The following CCDC43 variants were observed in gnomAD, a reference collection of about 807,000 sequenced individuals.
CCDC43 encodes coiled-coil domain containing 43.
In CCDC43, 20 loss-of-function variants were observed where a neutral mutation model predicts 33.3. The ratio of observed to expected loss-of-function variants is 0.60; its 90% CI spans 0.42 to 0.87. The LOEUF (loss-of-function observed/expected upper bound fraction) is 0.87, where lower values mean the gene tolerates loss of function less well. Among genes scored for constraint, CCDC43 ranks in the 40% least tolerant of loss-of-function variants. CCDC43 has a pLI of 0.00. For synonymous variants in CCDC43, 104 were observed against 106.5 expected (o/e 0.98, Z 0.14); for missense variants, 248 against 269.9 (o/e 0.92, Z 0.57).
intron 2 of CCDC43, among the ~76,000 whole-genome samples, chr17:44,683,228 T>C (rs1160053289): frequency 6.6e-6 from 1 of 152,172 alleles, no homozygotes; most frequent in African/African-American, 2.4e-5. Flanking sequence ...TAATTTGTGT[T>C]ATGAAATGAC....
Position 44,683,963 on chromosome 17 carries a change from G to A in CCDC43, c.205-4C>T. The A allele has an allele frequency of 6.2e-7, 1 of 1,601,198 alleles. No homozygotes were observed. Among genetic ancestry groups the A allele is most frequent in the Non-Finnish European group, 8.6e-7 (1 of 1,168,354 alleles). On this transcript the variant is annotated splice_region_variant and splice_polypyrimidine_tract_variant and intron_variant, in intron 1 of 4. Coordinates refer to ENST00000315286, the MANE Select transcript of CCDC43 (RefSeq NM_144609.3). ...TATTAAGGAGGGAATCTTCTTCCTA[G>A]TTGGAAAAGCAGACCAATTAATTTC... is the stretch of plus-strand genomic sequence containing the variant.
chr17:44,684,815 C>G (rs776622245), intron 1 of CCDC43, among the ~76,000 whole-genome samples: 4 of 152,140 alleles, frequency 2.6e-5, no homozygotes, highest in Non-Finnish European at 5.9e-5. Flanking sequence ...GGGTCTCACT[C>G]TGTTACCCAG....
In CCDC43 at chr17:44,678,604, A is replaced by G. The variant is rs7222082; in HGVS notation, c.*252T>C. 4.7e-3 allele frequency: 1,706 copies of G among 362,180 alleles called. 21 individuals are homozygous for G. Among genetic ancestry groups the G allele is most frequent in the African/African-American group, 0.032 (1,559 of 48,068 alleles). The allele number at this position is 362,180 out of a possible 1,614,324, so 22.4% of individuals were successfully genotyped here. On this transcript the variant is annotated 3_prime_UTR_variant, in exon 5 of 5. Transcript: ENST00000315286. Reference sequence around the variant, plus strand: ...GTGGCCAAAAGGAGCACAGGACTTGAGTATTAAAATATAAAGGTGGCCCCC... The same window carrying G: ...GTGGCCAAAAGGAGCACAGGACTTGGGTATTAAAATATAAAGGTGGCCCCC...
Position 44,679,001 on chromosome 17 carries a change from C to G in CCDC43, c.530G>C (p.Arg177Pro). 5 of 1,613,674 alleles carry G rather than the reference C, an allele frequency of 3.1e-6. No homozygotes were observed. The highest frequency in any genetic ancestry group is 4.2e-6 in the Non-Finnish European group (5 of 1,179,834). ...NTNVEDVLNA[R>P]KLERDSLRDE... ...CCGAAGTGAGTCTCGCTCCAGTTTT[C>G]GGGCATTAAGGACATCTTCCACATT... The change falls in exon 5 of 5, where the codon CGA (arginine) becomes CCA (proline). Residue 177 changes from arginine to proline, a missense_variant. Coordinates refer to ENST00000315286, the MANE Select transcript of CCDC43 (RefSeq NM_144609.3).
intron 1 of CCDC43, among the ~76,000 whole-genome samples, chr17:44,686,293 C>G (rs1051250383): frequency 1.3e-5 from 2 of 152,134 alleles, no homozygotes; most frequent in African/African-American, 4.8e-5. Context: ...TATTTTGTAC[C>G]CAGCAAAGGA....
Position 44,682,054 on chromosome 17 carries a change from T to C in CCDC43, c.377A>G (p.Gln126Arg), listed in dbSNP as rs771408366. The change falls in exon 3 of 5, where the codon CAG becomes CGG. Residue 126 changes from glutamine to arginine, a missense_variant. Transcript: ENST00000315286. ...KPRMVSEEEK[Q>R]RKAALLAQYA... ...CTGGGCCAGGAGGGCAGCTTTTCTC[T>C]GCTTCTCCTCTTCTGACACCATCCT... The C allele has an allele frequency of 1.9e-6, 3 of 1,614,064 alleles. No individual in the cohort carries two copies. Among genetic ancestry groups the C allele is most frequent in the Non-Finnish European group, 2.5e-6 (3 of 1,179,902 alleles).
chr17:44,689,365 C>G, intron 1 of CCDC43, 185 bp downstream of exon 1: 1 of 781,738 alleles, frequency 1.3e-6, no homozygotes, highest in Non-Finnish European at 2.0e-6. Context: ...CTGCAGCTTT[C>G]AGGCTTCCCA....
At chr17:44,684,002 C>T (rs749355152) in intron 1 of CCDC43, 43 bp from the exon 2 acceptor site, 1 of 1,286,720 alleles carries the variant, frequency 7.8e-7, no homozygotes, top group South Asian at 1.2e-5. Flanking sequence ...AGGGAGCCCT[C>T]AAAAACAATA....
intron 4 of CCDC43, 107 bp downstream of exon 4, chr17:44,680,478 A>C (rs1281623498): frequency 1.3e-6 from 1 of 762,768 alleles, no homozygotes; most frequent in African/African-American, 1.7e-5. Context: ...TTAGCATGAC[A>C]TGAGTTCCTG....
chr17:44,687,336 G>A lies in CCDC43; in HGVS notation c.204+2214C>T, dbSNP rs916187783. Among the ~76,000 whole-genome samples, 13 of 152,068 alleles carry A rather than the reference G, an allele frequency of 8.5e-5. No homozygotes were observed. The East Asian group carries it at 1.9e-3, about 23-fold the overall frequency. On this transcript the variant is annotated intron_variant, in intron 1 of 4. Transcript: ENST00000315286. ...CATATGCCTGTAATCCCAGCTACTC[G>A]GGAGGCTGAGAATCACCTGAACCCA...
chr17:44,684,906 A>G (rs1466291486), intron 1 of CCDC43, among the ~76,000 whole-genome samples: 1 of 151,960 alleles, frequency 6.6e-6, no homozygotes, highest in Non-Finnish European at 1.5e-5. Context: ...TCAGCCTCTC[A>G]AGTAGCTAGG....
intron 1 of CCDC43, 77 bp from the exon 2 acceptor site, chr17:44,684,036 G>C (rs1226243452): frequency 2.2e-6 from 2 of 892,912 alleles, no homozygotes; most frequent in Non-Finnish European, 3.7e-6. Flanking sequence ...AGCCTATGAA[G>C]AAAGCACAGC....
At chr17:44,683,059 GAACC>G (rs1450525516) in intron 2 of CCDC43, among the ~76,000 whole-genome samples, 2 of 152,142 alleles carry the variant, frequency 1.3e-5, no homozygotes, top group South Asian at 4.1e-4. Context: ...CCAAAACTGA[GAACC>G]AACAGTGTAC....
At chr17:44,687,733 T>G (rs924262642) in intron 1 of CCDC43, 4 of 152,228 alleles carry the variant, frequency 2.6e-5, no homozygotes, top group Non-Finnish European at 5.9e-5. Flanking sequence ...ATGGAGTGTT[T>G]AGAAACTTCC....
intron 2 of CCDC43, among the ~76,000 whole-genome samples, chr17:44,682,583 C>T (rs980898042): frequency 1.3e-5 from 2 of 152,038 alleles, no homozygotes; most frequent in African/African-American, 2.4e-5. Context: ...TTTGGCCGGG[C>T]GCGGTGGCTC....
intron 4 of CCDC43, 84 bp from the exon 5 acceptor site, chr17:44,679,127 C>T (rs1391288092): frequency 8.4e-6 from 9 of 1,077,300 alleles, no homozygotes; most frequent in South Asian, 3.6e-5. Flanking sequence ...ATCCTCTCTC[C>T]ACCTGCTGAG....
intron 4 of CCDC43, 150 bp downstream of exon 4, chr17:44,680,435 T>A: frequency 1.7e-6 from 1 of 595,424 alleles, no homozygotes; most frequent in African/African-American, 1.8e-5. Flanking sequence ...AAACTGACTA[T>A]CTAGGGCTGT....
chr17:44,683,839 T>A, intron 2 of CCDC43, 33 bp downstream of exon 2: 1 of 1,458,484 alleles, frequency 6.9e-7, no homozygotes, highest in Non-Finnish European at 9.6e-7. Flanking sequence ...TGGAAAAGGC[T>A]CAGGAAGTTA....
At chr17:44,679,076 C>A in intron 4 of CCDC43, 33 bp from the exon 5 acceptor site, 1 of 1,545,644 alleles carries the variant, frequency 6.5e-7, no homozygotes, top group East Asian at 2.3e-5. Context: ...GGGTACAGGT[C>A]ACACAGATCA....
Sources: gnomAD v4.1 joint callset for allele counts (sites outside exome capture counted in the v4.1 genomes callset) on GRCh38, gnomAD v4.1.1 for gene constraint, MANE v1.5 for transcripts, NCBI Gene and HGNC (gene_info 2026-07-23, HGNC 2026-07-21) for gene names.